The following GRXCR2 variants were observed in gnomAD, a reference collection of about 807,000 sequenced individuals.
GRXCR2 encodes the protein glutaredoxin and cysteine rich domain containing 2, also known as glutaredoxin domain-containing cysteine-rich protein 2.
A neutral mutation model predicts 24.8 loss-of-function variants in GRXCR2; 23 were observed. The observed-to-expected ratio is 0.93, with a 90% CI of 0.67 to 1.32. The LOEUF (loss-of-function observed/expected upper bound fraction) is 1.32. GRXCR2 is among the 40% of genes most tolerant of loss of function. GRXCR2 has a pLI of 0.00. For synonymous variants in GRXCR2, 130 were observed against 116.1 expected (o/e 1.12, Z -0.77); for missense variants, 315 against 303.4 (o/e 1.04, Z -0.28).
In GRXCR2 at chr5:145,879,546, A is replaced by T. The variant is rs1033733312; in HGVS notation, c.-69-12818T>A. On this transcript the variant is annotated intron_variant, in intron 2 of 3. Coordinates refer to the GRXCR2 transcript ENST00000639411. ...ACCCAATACAGGAACAACCAGATTGATAAAGCAAGTCCTTAGAGACGGACA... is the reference window on the plus strand; with the variant it reads ...ACCCAATACAGGAACAACCAGATTGTTAAAGCAAGTCCTTAGAGACGGACA... Among the ~76,000 whole-genome samples, 12 of 152,354 alleles carry T rather than the reference A, an allele frequency of 7.9e-5. No homozygotes were observed. The South Asian group carries it at 2.5e-3, about 32-fold the overall frequency.
intron 2 of GRXCR2, among the ~76,000 whole-genome samples, chr5:145,916,011 G>C (rs1291597737): frequency 1.3e-5 from 2 of 152,186 alleles, no homozygotes; most frequent in Non-Finnish European, 2.9e-5. Flanking sequence ...ACCATGCGGG[G>C]AGGGAAGAAA....
chr5:145,919,271 G>C (rs1278259835), intron 2 of GRXCR2, among the ~76,000 whole-genome samples: 2 of 152,190 alleles, frequency 1.3e-5, no homozygotes, highest in African/African-American at 4.8e-5. Flanking sequence ...ACAGCCCTGG[G>C]AGGGCATGCA....
chr5:145,931,232 A>G (rs1421723384), intron 2 of GRXCR2, among the ~76,000 whole-genome samples: 1 of 152,070 alleles, frequency 6.6e-6, no homozygotes, highest in African/African-American at 2.4e-5. Flanking sequence ...GGATTTTGCC[A>G]TGTTGCCCAG....
chr5:145,860,961 T>C (rs7711333), intron 2 of GRXCR2, among the ~76,000 whole-genome samples: 13,523 of 152,004 alleles, frequency 0.089, 1,416 homozygotes, highest in African/African-American at 0.24. Flanking sequence ...ATTGTCTTGC[T>C]CTCCCCCTTA....
intron 2 of GRXCR2, among the ~76,000 whole-genome samples, chr5:145,863,800 T>G (rs967203717): frequency 5.3e-5 from 8 of 152,102 alleles, no homozygotes; most frequent in Admixed American, 2.0e-4. Flanking sequence ...GCTAGGTTCT[T>G]AATAGTTCTG....
intron 2 of GRXCR2, among the ~76,000 whole-genome samples, chr5:145,907,089 AG>A (rs1757099883): frequency 6.6e-6 from 1 of 152,080 alleles, no homozygotes; most frequent in Non-Finnish European, 1.5e-5. Flanking sequence ...CATAGAGGAC[AG>A]GGGGTAGGTC....
intron 2 of GRXCR2, among the ~76,000 whole-genome samples, chr5:145,907,398 G>A (rs906385383): frequency 2.0e-5 from 3 of 151,924 alleles, no homozygotes; most frequent in Admixed American, 6.6e-5. Flanking sequence ...GCATGGTGGC[G>A]GGCAACTGTA....
At chr5:145,909,512 A>C (rs145850080) in intron 2 of GRXCR2, among the ~76,000 whole-genome samples, 1,786 of 152,238 alleles carry the variant, frequency 0.012, 13 homozygotes, top group South Asian at 0.025. Context: ...CATCAAACTA[A>C]AGCAGTCTCT....
chr5:145,930,302 C>G (rs1581360201), intron 2 of GRXCR2, among the ~76,000 whole-genome samples: 1 of 152,232 alleles, frequency 6.6e-6, no homozygotes, highest in Admixed American at 6.5e-5. Flanking sequence ...CCAGGCTGGT[C>G]TCAAACTCCC....
intron 2 of GRXCR2, among the ~76,000 whole-genome samples, chr5:145,923,034 G>A (rs552388958): frequency 4.9e-4 from 74 of 152,276 alleles, no homozygotes; most frequent in Admixed American, 1.1e-3. Flanking sequence ...AGTGCCACCC[G>A]GAAACTAGTT....
At chr5:145,885,119 G>GTGTGTC (rs1554105090) in intron 2 of GRXCR2, among the ~76,000 whole-genome samples, 7 of 151,696 alleles carry the variant, frequency 4.6e-5, no homozygotes, top group South Asian at 4.2e-4. Flanking sequence ...GTGTGTGTGT[G>GTGTGTC]TGTCTGTCTG....
chr5:145,928,052 A>G (rs1247672477), intron 2 of GRXCR2, among the ~76,000 whole-genome samples: 97 of 152,238 alleles, frequency 6.4e-4, no homozygotes, highest in East Asian at 1.9e-4. Context: ...AAACAAATTT[A>G]CAAGAAAAAA....
intron 2 of GRXCR2, among the ~76,000 whole-genome samples, chr5:145,900,786 T>G (rs1029193337): frequency 2.0e-5 from 3 of 152,216 alleles, no homozygotes; most frequent in African/African-American, 7.2e-5. Flanking sequence ...ATCCCATCAC[T>G]GGGTATATAT....
chr5:145,901,854 G>A (rs1757030301), intron 2 of GRXCR2, among the ~76,000 whole-genome samples: 1 of 152,198 alleles, frequency 6.6e-6, no homozygotes, highest in Admixed American at 6.5e-5. Context: ...GAACCAGGTG[G>A]AAGATGATTG....
chr5:145,863,095 T>A (rs1756368002), intron 2 of GRXCR2, among the ~76,000 whole-genome samples: 1 of 152,238 alleles, frequency 6.6e-6, no homozygotes, highest in Non-Finnish European at 1.5e-5. Context: ...TGTGGCTCGA[T>A]TCAATTATTC....
rs964418335 is a variant in GRXCR2 at position 145,858,620 on chromosome 5, T to C, written c.*1113A>G. The stretch of plus-strand genomic sequence containing the variant: ...AATATTAGAGAATAACAAACAAATC[T>C]TGAGAAATTATTAAGTTATGAAATC... On this transcript the variant is annotated 3_prime_UTR_variant, in exon 3 of 3. Coordinates refer to ENST00000377976, the MANE Select transcript of GRXCR2 (RefSeq NM_001080516.2). The C allele has an allele frequency of 7.9e-5, 12 of 152,194 alleles. 1 individual carries two copies. The highest frequency in any genetic ancestry group is 7.2e-4 in the Admixed American group (11 of 15,276). 9.4% of individuals were successfully genotyped at this position (152,194 alleles called of 1,614,324 possible).
chr5:145,904,027 G>T (rs1757059570), intron 2 of GRXCR2, among the ~76,000 whole-genome samples: 1 of 152,148 alleles, frequency 6.6e-6, no homozygotes, highest in Non-Finnish European at 1.5e-5. Flanking sequence ...CCCTGAAGTG[G>T]TTTAACAATC....
downstream of GRXCR2, among the ~76,000 whole-genome samples, chr5:145,858,357 T>G (rs1756276067): frequency 6.9e-6 from 1 of 143,934 alleles, no homozygotes; most frequent in Non-Finnish European, 1.5e-5. Flanking sequence ...TCAACATCCC[T>G]CCTTCCTCTA....
upstream of GRXCR2, among the ~76,000 whole-genome samples, chr5:145,876,195 A>G (rs111499837): frequency 6.7e-4 from 86 of 127,716 alleles, no homozygotes; most frequent in African/African-American, 2.8e-3. Context: ...GTGTGTGTAT[A>G]TATATATATA....
Sources: allele counts gnomAD v4.1 joint callset (sites outside exome capture counted in the v4.1 genomes callset), GRCh38; gene constraint gnomAD v4.1.1; transcripts MANE v1.5; gene names NCBI Gene and HGNC (gene_info 2026-07-23, HGNC 2026-07-21).